The following GMEB1 variants were observed in gnomAD, a reference collection of about 807,000 sequenced individuals.
GMEB1 encodes the protein glucocorticoid modulatory element binding protein 1, also known as glucocorticoid modulatory element-binding protein 1.
A neutral mutation model predicts 52.4 loss-of-function variants in GMEB1; 6 were observed. The observed-to-expected ratio is 0.11, with a 90% CI of 0.06 to 0.23. GMEB1 has a LOEUF of 0.23. Among genes scored for constraint, GMEB1 ranks in the 10% least tolerant of loss-of-function variants. GMEB1 has a pLI of 1.00. For missense variants in GMEB1, 486 were observed against 685.6 expected, an observed-to-expected ratio of 0.71 and a Z score of 3.25; for synonymous variants, 255 against 244.9, an observed-to-expected ratio of 1.04 and a Z score of -0.38.
rs1225826618 is a variant in GMEB1, at chr1:28,716,253, C to T, written c.*1480C>T. 1 of 152,168 alleles carries T rather than the reference C, an allele frequency of 6.6e-6. No homozygotes were observed. Among genetic ancestry groups the T allele is most frequent in the African/African-American group, 2.4e-5 (1 of 41,436 alleles). The allele number at this position is 152,168 out of a possible 1,614,324, so 9.4% of individuals were successfully genotyped here. On this transcript the variant is annotated 3_prime_UTR_variant, in exon 10 of 10. Coordinates refer to ENST00000373816, the MANE Select transcript of GMEB1 (RefSeq NM_001319674.2). ...AAACTGTGCAATGTGATGTAAATGG[C>T]TCTGGTTCTTAGACTGTGGCTGTCA...
intron 1 of GMEB1, among the ~76,000 whole-genome samples, chr1:28,672,389 T>G (rs1157925775): frequency 1.3e-5 from 2 of 149,774 alleles, no homozygotes; most frequent in Non-Finnish European, 3.0e-5. Context: ...AGCTAATTTT[T>G]TTTTTTTGTA....
chr1:28,692,255 GGTGAGGTGGCTCAT>G (rs1670001718), intron 4 of GMEB1, among the ~76,000 whole-genome samples: 1 of 151,944 alleles, frequency 6.6e-6, no homozygotes, highest in Non-Finnish European at 1.5e-5. Flanking sequence ...CTATTGGCTG[GGTGAGGTGGCTCAT>G]GCCTGTAATC....
rs146933925 is a variant in GMEB1 at position 28,710,155 on chromosome 1, G to T, written c.869-365G>T. 3.3e-3 allele frequency among the ~76,000 whole-genome samples: 500 copies of T among 151,720 alleles called. 2 individuals carry two copies. The highest frequency in any genetic ancestry group is 0.012 in the African/African-American group (483 of 41,420). On this transcript the variant is annotated intron_variant, in intron 8 of 9. Coordinates refer to ENST00000373816, the MANE Select transcript of GMEB1 (RefSeq NM_001319674.2). ...GAGCAAGACTCTGTCTCCAAAAAAA[G>T]GAAAAAAAAATTGTTTCAAATTTAT...
At chr1:28,670,772 G>A (rs1668847353) in intron 1 of GMEB1, among the ~76,000 whole-genome samples, 1 of 151,970 alleles carries the variant, frequency 6.6e-6, no homozygotes, top group Non-Finnish European at 1.5e-5. Flanking sequence ...TGCGCCCGGC[G>A]GGGGAAACTT....
At chr1:28,701,490 G>T (rs763699370) in intron 6 of GMEB1, among the ~76,000 whole-genome samples, 2 of 152,018 alleles carry the variant, frequency 1.3e-5, no homozygotes, top group Admixed American at 1.3e-4. Flanking sequence ...GGATGGTCTC[G>T]ATCTCCTGAT....
Position 28,690,206 on chromosome 1 carries a change from T to TG in GMEB1, c.211+20_211+21insG, listed in dbSNP as rs777902461. 4.8e-6 allele frequency: 4 copies of TG among 828,620 alleles called. No individual in the cohort carries two copies. The African/African-American group carries it at 7.1e-5, about 15-fold the overall frequency. The allele number at this position is 828,620 out of a possible 1,614,324, so 51.3% of individuals were successfully genotyped here. The stretch of plus-strand genomic sequence containing the variant: ...GGATTGGTAAGGGTTTTTTTGTGTT[T>TG]TTTTTTTTTTTTTTTTTTGTCATTC... On this transcript the variant is annotated intron_variant, in intron 3 of 9. Coordinates refer to ENST00000373816, the MANE Select transcript of GMEB1 (RefSeq NM_001319674.2).
chr1:28,714,848 C>G lies in GMEB1; in HGVS notation c.*75C>G. ...TTTGTTTATTTTTATCATTGTCCCACTCATTTCCACATAGGACCCTTTTTT... is the reference window on the plus strand; with the variant it reads ...TTTGTTTATTTTTATCATTGTCCCAGTCATTTCCACATAGGACCCTTTTTT... On this transcript the variant is annotated 3_prime_UTR_variant, in exon 10 of 10. Transcript: ENST00000373816. 1.0e-6 allele frequency: 1 copy of G among 990,864 alleles called. No individual in the cohort carries two copies. Among genetic ancestry groups the G allele is most frequent in the Non-Finnish European group, 1.5e-6 (1 of 663,446 alleles). The allele number at this position is 990,864 out of a possible 1,614,324, so 61.4% of individuals were successfully genotyped here. A position where few individuals can be genotyped will look rare whatever the true frequency, so the allele number is the denominator to read the frequency against.
Position 28,690,198 on chromosome 1 carries a change from T to G in GMEB1, c.211+12T>G. On this transcript the variant is annotated intron_variant, in intron 3 of 9. Transcript: ENST00000373816. The stretch of plus-strand genomic sequence containing the variant: ...TGAAGAAGGGATTGGTAAGGGTTTT[T>G]TTGTGTTTTTTTTTTTTTTTTTTTT... 1 of 1,204,674 alleles carries G rather than the reference T, an allele frequency of 8.3e-7. No homozygotes were observed. The highest frequency in any genetic ancestry group is 2.4e-5 in the East Asian group (1 of 41,034). 74.6% of individuals were successfully genotyped at this position (1,204,674 alleles called of 1,614,324 possible). A position where few individuals can be genotyped will look rare whatever the true frequency, so the allele number is the denominator to read the frequency against.
chr1:28,683,218 C>G (rs898748742), intron 1 of GMEB1, among the ~76,000 whole-genome samples: 1 of 151,534 alleles, frequency 6.6e-6, no homozygotes, highest in South Asian at 2.1e-4. Flanking sequence ...GACTTCTTTT[C>G]TTTTCTTCTT....
intron 1 of GMEB1, among the ~76,000 whole-genome samples, chr1:28,680,830 G>A (rs1669357732): frequency 6.6e-6 from 1 of 151,896 alleles, no homozygotes; most frequent in African/African-American, 2.4e-5. Context: ...GATCACCTGA[G>A]GTTGGGAGTT....
intron 1 of GMEB1, among the ~76,000 whole-genome samples, chr1:28,681,089 G>A (rs12133906): frequency 1.1e-4 from 17 of 152,040 alleles, no homozygotes; most frequent in Admixed American, 3.9e-4. Context: ...TTTCCAGGAC[G>A]TACAGACTGA....
In GMEB1 at chr1:28,704,156, T is replaced by C. The variant is rs566834802; in HGVS notation, c.731-36T>C. 1.0e-4 allele frequency: 160 copies of C among 1,564,798 alleles called. 2 individuals carry two copies. In the South Asian group the frequency reaches 1.8e-3, roughly 18 times the overall value. On this transcript the variant is annotated intron_variant, in intron 7 of 9. Coordinates refer to ENST00000373816, the MANE Select transcript of GMEB1 (RefSeq NM_001319674.2). ...TTTGCCTAAGTATCTAGGTAGTGTCTCTTTTTTACCCTCTGTCTTATCCTT... is the reference window on the plus strand; with the variant it reads ...TTTGCCTAAGTATCTAGGTAGTGTCCCTTTTTTACCCTCTGTCTTATCCTT...
At chr1:28,687,247 G>T (rs1489316844) in intron 2 of GMEB1, among the ~76,000 whole-genome samples, 1 of 150,654 alleles carries the variant, frequency 6.6e-6, no homozygotes, top group African/African-American at 2.5e-5. Flanking sequence ...TGAGGTGAAG[G>T]ATTGCTTGAG....
At chr1:28,689,392 C>T (rs1437642685) in intron 2 of GMEB1, among the ~76,000 whole-genome samples, 7 of 151,900 alleles carry the variant, frequency 4.6e-5, no homozygotes, top group East Asian at 3.9e-4. Context: ...TTTGGGAGGC[C>T]GAGGCAGGCG....
At chr1:28,672,161 C>CT (rs1221378098) in intron 1 of GMEB1, among the ~76,000 whole-genome samples, 5 of 150,494 alleles carry the variant, frequency 3.3e-5, no homozygotes, top group African/African-American at 1.2e-4. Flanking sequence ...TTCAGAAAAT[C>CT]TCGTACTCAT....
chr1:28,690,300 C>T, intron 3 of GMEB1, 114 bp downstream of exon 3: 1 of 578,430 alleles, frequency 1.7e-6, no homozygotes, highest in Non-Finnish European at 3.0e-6. Flanking sequence ...TTTCTCCCAT[C>T]CCTGTGTGCC....
intron 1 of GMEB1, among the ~76,000 whole-genome samples, chr1:28,672,818 C>A (rs1232802192): frequency 2.7e-5 from 4 of 149,254 alleles, no homozygotes; most frequent in African/African-American, 9.8e-5. Flanking sequence ...CAGCTCACTG[C>A]AACCTCCTCC....
chr1:28,687,711 A>G (rs544090005), intron 2 of GMEB1, among the ~76,000 whole-genome samples: 3 of 152,244 alleles, frequency 2.0e-5, no homozygotes, highest in Admixed American at 6.6e-5. Context: ...TGAGGCCTGA[A>G]TTAAGGCAGT....
chr1:28,698,238 G>A (rs1249748091), intron 6 of GMEB1, among the ~76,000 whole-genome samples: 1 of 151,868 alleles, frequency 6.6e-6, no homozygotes, highest in Admixed American at 6.6e-5. Context: ...ACATGGTGGC[G>A]TGCACCTGTA....
Sources: gnomAD v4.1 joint callset for allele counts (sites outside exome capture counted in the v4.1 genomes callset) on GRCh38, gnomAD v4.1.1 for gene constraint, MANE v1.5 for transcripts, NCBI Gene and HGNC (gene_info 2026-07-23, HGNC 2026-07-21) for gene names.